The following KCNMB2 variants were observed in gnomAD, a reference collection of about 807,000 sequenced individuals.
KCNMB2 encodes the protein calcium-activated potassium channel subunit beta-2.
A neutral mutation model predicts 24.5 loss-of-function variants in KCNMB2; 9 were observed. The ratio of observed to expected loss-of-function variants is 0.37; its 90% CI spans 0.22 to 0.64. The LOEUF is 0.64. Ranked by LOEUF, KCNMB2 falls within the 30% of genes least tolerant of loss-of-function variation. The pLI is 0.63. For synonymous variants in KCNMB2, 109 were observed against 104.4 expected, an observed-to-expected ratio of 1.04 and a Z score of -0.27; for missense variants, 226 against 284.3, an observed-to-expected ratio of 0.79 and a Z score of 1.47.
At chr3:178,690,852 T>C (rs1439581208) in intron 1 of KCNMB2, among the ~76,000 whole-genome samples, 1 of 152,220 alleles carries the variant, frequency 6.6e-6, no homozygotes, top group Non-Finnish European at 1.5e-5. Flanking sequence ...AGGGAATCTA[T>C]GGAATCATCT....
At chr3:178,617,454 A>C (rs1044894211) in intron 1 of KCNMB2, among the ~76,000 whole-genome samples, 1 of 152,108 alleles carries the variant, frequency 6.6e-6, no homozygotes, top group Non-Finnish European at 1.5e-5. Context: ...GCTACTCAGG[A>C]GGCTGAGGCA....
chr3:178,621,784 AT>A (rs1207635998), intron 1 of KCNMB2, among the ~76,000 whole-genome samples: 2 of 152,196 alleles, frequency 1.3e-5, no homozygotes, highest in African/African-American at 2.4e-5. Flanking sequence ...ATTATCCCCT[AT>A]TTTCCAGAGA....
intron 1 of KCNMB2, among the ~76,000 whole-genome samples, chr3:178,572,709 A>T (rs1716849638): frequency 1.3e-5 from 2 of 152,240 alleles, no homozygotes. Flanking sequence ...TGTGGATTCC[A>T]TGGATAATGA....
At position 178,625,001 on chromosome 3, in the gene KCNMB2, AGGGGTAGG is replaced by A. The variant is rs1358146359; in HGVS notation, c.-68+88294_-68+88301del. Among the ~76,000 whole-genome samples, 4 of 152,026 alleles carry A rather than the reference AGGGGTAGG, an allele frequency of 2.6e-5. No individual in the cohort carries two copies. In the South Asian group the frequency reaches 6.2e-4, roughly 24 times the overall value. On this transcript the variant is annotated intron_variant, in intron 1 of 4. Transcript: ENST00000452583. ...AAAAAGCAGCAGGCTGCCCAGGGGA[AGGGGTAGG>A]GGGTGAACAGCAGGGCAAGGAGGGC...
At chr3:178,793,096 G>A (rs959451811) in intron 1 of KCNMB2, among the ~76,000 whole-genome samples, 20 of 152,140 alleles carry the variant, frequency 1.3e-4, no homozygotes, top group African/African-American at 4.6e-4. Flanking sequence ...TCAATCCTTG[G>A]AGCCTAAATA....
chr3:178,615,318 C>T (rs1389681621), intron 1 of KCNMB2, among the ~76,000 whole-genome samples: 3 of 152,226 alleles, frequency 2.0e-5, no homozygotes, highest in African/African-American at 7.2e-5. Flanking sequence ...CTACAGTCAG[C>T]AGGTGGCAAA....
intron 1 of KCNMB2, among the ~76,000 whole-genome samples, chr3:178,786,354 A>C (rs1166505331): frequency 6.6e-6 from 1 of 152,160 alleles, no homozygotes; most frequent in Non-Finnish European, 1.5e-5. Context: ...TTCCACAATT[A>C]ATCATTAGCT....
chr3:178,807,487 G>A lies in KCNMB2; in HGVS notation c.56+22G>A, dbSNP rs753646156. The A allele has an allele frequency of 6.2e-6, 10 of 1,606,706 alleles. No homozygotes were observed. In the South Asian group the frequency reaches 8.8e-5, roughly 14 times the overall value. On this transcript the variant is annotated intron_variant, in intron 2 of 4. Coordinates refer to ENST00000452583, the MANE Select transcript of KCNMB2 (RefSeq NM_181361.3). ...AAAGGTAAATGCACTGGGATTCTGG[G>A]CACTTTTCAGAAGCATTTAACCTGA...
intron 1 of KCNMB2, among the ~76,000 whole-genome samples, chr3:178,645,710 G>T (rs529127011): frequency 6.6e-6 from 1 of 152,244 alleles, no homozygotes; most frequent in East Asian, 1.9e-4. Flanking sequence ...GGTTCTGGGG[G>T]CCTGAGAAAG....
chr3:178,567,638 A>G (rs960524139), intron 1 of KCNMB2, among the ~76,000 whole-genome samples: 3 of 133,996 alleles, frequency 2.2e-5, no homozygotes, highest in African/African-American at 1.1e-4. Flanking sequence ...AGAAAATTAT[A>G]AAAGACAAAC....
chr3:178,770,351 A>G (rs1162905518), intron 1 of KCNMB2, among the ~76,000 whole-genome samples: 3 of 152,242 alleles, frequency 2.0e-5, no homozygotes, highest in African/African-American at 7.2e-5. Context: ...TTTAGTTTCA[A>G]TGACTTGAAA....
At chr3:178,594,347 A>G (rs910815320) in intron 1 of KCNMB2, among the ~76,000 whole-genome samples, 2 of 152,116 alleles carry the variant, frequency 1.3e-5, no homozygotes, top group Admixed American at 1.3e-4. Flanking sequence ...TTACGAAGAA[A>G]TTACATTAAC....
At chr3:178,816,962 G>A (rs1714426262) in intron 2 of KCNMB2, among the ~76,000 whole-genome samples, 1 of 151,940 alleles carries the variant, frequency 6.6e-6, no homozygotes, top group African/African-American at 2.4e-5. Context: ...AATTTAATAT[G>A]CTAATTGGTC....
At chr3:178,786,128 C>T (rs2108436224) in intron 1 of KCNMB2, among the ~76,000 whole-genome samples, 1 of 152,230 alleles carries the variant, frequency 6.6e-6, no homozygotes, top group East Asian at 1.9e-4. Context: ...AAAGAAAGGG[C>T]TGAATGACTC....
In KCNMB2 at chr3:178,625,124, T is replaced by A. The variant is rs1001923120; in HGVS notation, c.-68+88413T>A. ...CCTTGCACCCTCTGCCTGGCCCTTC[T>A]TCCCCCCATCACCCACCAGACCCAC... is the stretch of plus-strand genomic sequence containing the variant. On this transcript the variant is annotated intron_variant, in intron 1 of 4. Transcript: ENST00000452583. Among the ~76,000 whole-genome samples the A allele has an allele frequency of 2.6e-5, 4 of 151,894 alleles. No individual in the cohort carries two copies. In the East Asian group the frequency reaches 7.8e-4, roughly 30 times the overall value.
intron 1 of KCNMB2, among the ~76,000 whole-genome samples, chr3:178,701,703 C>A (rs553202136): frequency 2.2e-4 from 33 of 152,292 alleles, no homozygotes; most frequent in Admixed American, 4.6e-4. Flanking sequence ...AAATGCAAAT[C>A]AAAACCACAA....
chr3:178,542,821 TAGAAAACCAGTTTC>T (rs1389907115), intron 1 of KCNMB2, among the ~76,000 whole-genome samples: 1 of 152,168 alleles, frequency 6.6e-6, no homozygotes, highest in Non-Finnish European at 1.5e-5. Flanking sequence ...AATGGAGTAT[TAGAAAACCAGTTTC>T]ACAGCCCTGA....
chr3:178,699,180 G>T (rs1464636581), intron 1 of KCNMB2, among the ~76,000 whole-genome samples: 1 of 152,214 alleles, frequency 6.6e-6, no homozygotes, highest in Non-Finnish European at 1.5e-5. Context: ...CTCAGGCCTG[G>T]GTGCCTTCTC....
intron 1 of KCNMB2, among the ~76,000 whole-genome samples, chr3:178,749,696 G>A (rs1281846083): frequency 3.3e-5 from 5 of 152,140 alleles, no homozygotes; most frequent in African/African-American, 1.2e-4. Flanking sequence ...CAATACACTT[G>A]GATAATTAAC....
Sources: allele counts gnomAD v4.1 joint callset (sites outside exome capture counted in the v4.1 genomes callset), GRCh38; gene constraint gnomAD v4.1.1; transcripts MANE v1.5; gene names NCBI Gene and HGNC (gene_info 2026-07-23, HGNC 2026-07-21).